The following BTBD16 variants were observed in gnomAD, a reference collection of about 807,000 sequenced individuals.
The protein encoded by BTBD16 is BTB domain containing 16.
In BTBD16, 66 loss-of-function variants were observed where a neutral mutation model predicts 67.4. That is an observed-to-expected ratio of 0.98 (90% CI 0.80 to 1.20). BTBD16 has a LOEUF of 1.20. BTBD16 is among the 50% of genes most tolerant of loss of function. BTBD16 has a pLI of 0.00. For synonymous variants in BTBD16, 242 were observed against 236.4 expected, an observed-to-expected ratio of 1.02 and a Z score of -0.22; for missense variants, 634 against 616.0, an observed-to-expected ratio of 1.03 and a Z score of -0.31.
At chr10:122,281,459 G>C (rs1371970703) in intron 3 of BTBD16, among the ~76,000 whole-genome samples, 1 of 152,076 alleles carries the variant, frequency 6.6e-6, no homozygotes, top group Non-Finnish European at 1.5e-5. Flanking sequence ...CTATTCACAG[G>C]CATGATCACA....
At chr10:122,293,068 G>C (rs1180929211) in intron 7 of BTBD16, among the ~76,000 whole-genome samples, 2 of 152,176 alleles carry the variant, frequency 1.3e-5, no homozygotes, top group Non-Finnish European at 2.9e-5. Flanking sequence ...CCTGAAGAGA[G>C]AGGTGGTATC....
intron 10 of BTBD16, among the ~76,000 whole-genome samples, chr10:122,313,161 G>A (rs1341251093): frequency 3.3e-5 from 5 of 151,960 alleles, no homozygotes; most frequent in Admixed American, 2.6e-4. Context: ...ACAGGCGTGA[G>A]CCACTGTGCC....
chr10:122,294,679 C>A (rs2096379933), intron 7 of BTBD16, among the ~76,000 whole-genome samples: 1 of 152,252 alleles, frequency 6.6e-6, no homozygotes, highest in African/African-American at 2.4e-5. Context: ...CTGTGGGCAA[C>A]TTCCTGGTCC....
intron 10 of BTBD16, chr10:122,327,665 AG>A (rs1177083575): frequency 2.0e-6 from 2 of 984,390 alleles, no homozygotes; most frequent in African/African-American, 1.7e-5. Flanking sequence ...AGAGGCCCCA[AG>A]GGGTCATAAA....
intron 8 of BTBD16, among the ~76,000 whole-genome samples, chr10:122,298,108 C>T (rs998365322): frequency 3.3e-5 from 5 of 152,076 alleles, no homozygotes; most frequent in African/African-American, 4.8e-5. Flanking sequence ...CCGAAACAGC[C>T]GAAGACCTTC....
intron 10 of BTBD16, among the ~76,000 whole-genome samples, chr10:122,309,126 C>A (rs896055670): frequency 1.3e-5 from 2 of 151,892 alleles, no homozygotes; most frequent in South Asian, 2.1e-4. Flanking sequence ...CTCTGTCAGA[C>A]TTTTTTTTCT....
chr10:122,327,695 A>G (rs1290361966), intron 10 of BTBD16: 1 of 963,620 alleles, frequency 1.0e-6, no homozygotes, highest in African/African-American at 1.8e-5. Context: ...AGCTGTCTCA[A>G]CAAAGCTGTT....
At chr10:122,285,397 A>G (rs1388030398) in intron 4 of BTBD16, among the ~76,000 whole-genome samples, 1 of 152,178 alleles carries the variant, frequency 6.6e-6, no homozygotes, top group Non-Finnish European at 1.5e-5. Context: ...AGTCTTCTAC[A>G]GTTTGCAAAG....
intron 7 of BTBD16, among the ~76,000 whole-genome samples, chr10:122,294,613 C>T (rs2096379855): frequency 6.6e-6 from 1 of 152,250 alleles, no homozygotes; most frequent in Non-Finnish European, 1.5e-5. Context: ...TGGGTTCCTC[C>T]AGGCTCACAG....
intron 5 of BTBD16, chr10:122,287,609 G>A: frequency 5.3e-6 from 2 of 376,476 alleles, no homozygotes; most frequent in Non-Finnish European, 7.3e-6. Flanking sequence ...AACAGTCACA[G>A]TCCTTCATGT....
rs1014718196 is a variant in BTBD16 at position 122,335,078 on chromosome 10, C to A, written c.1263+99C>A. ...ATAATAATTGATTCATCATTAATTA[C>A]TCATTGACATGAAATGTATTGTAAG... On this transcript the variant is annotated intron_variant, in intron 14 of 15. Coordinates refer to ENST00000260723, the MANE Select transcript of BTBD16 (RefSeq NM_144587.5). 8 of 635,816 alleles carry A rather than the reference C, an allele frequency of 1.3e-5. No individual in the cohort carries two copies. The African/African-American group carries it at 1.5e-4, about 12-fold the overall frequency. 39.4% of individuals were successfully genotyped at this position (635,816 alleles called of 1,614,324 possible).
At chr10:122,293,766 T>A (rs1375931071) in intron 7 of BTBD16, among the ~76,000 whole-genome samples, 1 of 152,212 alleles carries the variant, frequency 6.6e-6, no homozygotes, top group Non-Finnish European at 1.5e-5. Context: ...GAGCAGCTAT[T>A]TCCTGGTGCA....
chr10:122,313,272 T>G (rs1314040417), intron 10 of BTBD16, among the ~76,000 whole-genome samples: 11 of 140,494 alleles, frequency 7.8e-5, no homozygotes, highest in Middle Eastern at 3.6e-3. Context: ...TTTTTTTTTG[T>G]TTTTTTTTTT....
chr10:122,333,508 G>T (rs1046241142), intron 13 of BTBD16, among the ~76,000 whole-genome samples: 2 of 152,130 alleles, frequency 1.3e-5, no homozygotes, highest in South Asian at 2.1e-4. Flanking sequence ...GGAAAGGAGG[G>T]TCTAAACCCT....
At chr10:122,328,935 C>T (rs1012626206) in intron 10 of BTBD16, 9 of 598,244 alleles carry the variant, frequency 1.5e-5, no homozygotes, top group Non-Finnish European at 1.9e-5. Context: ...TAGTTCCCCA[C>T]ACAGCCGTTC....
At chr10:122,305,242 T>A (rs1211009860) in intron 9 of BTBD16, among the ~76,000 whole-genome samples, 1 of 152,224 alleles carries the variant, frequency 6.6e-6, no homozygotes, top group Non-Finnish European at 1.5e-5. Context: ...GGTGTACAGA[T>A]AATTTTGTCA....
At chr10:122,333,993 T>C (rs554796158) in intron 13 of BTBD16, among the ~76,000 whole-genome samples, 1 of 152,178 alleles carries the variant, frequency 6.6e-6, no homozygotes, top group Non-Finnish European at 1.5e-5. Flanking sequence ...AATTTTTTTT[T>C]AACTCAGGTT....
chr10:122,287,694 T>TATC (rs1433480619), intron 5 of BTBD16, among the ~76,000 whole-genome samples: 1 of 152,198 alleles, frequency 6.6e-6, no homozygotes, highest in Non-Finnish European at 1.5e-5. Context: ...ATGTTCTCAA[T>TATC]ATCATCTGTG....
At chr10:122,272,278 T>C (rs776239471) in intron 1 of BTBD16, among the ~76,000 whole-genome samples, 1 of 152,210 alleles carries the variant, frequency 6.6e-6, no homozygotes, top group African/African-American at 2.4e-5. Flanking sequence ...CAATTGCAGA[T>C]GAAGACACCA....
Sources: allele counts gnomAD v4.1 joint callset (sites outside exome capture counted in the v4.1 genomes callset), GRCh38; gene constraint gnomAD v4.1.1; transcripts MANE v1.5; gene names NCBI Gene and HGNC (gene_info 2026-07-23, HGNC 2026-07-21).